The following DSCAM variants were observed in gnomAD, a reference collection of about 807,000 sequenced individuals.
DSCAM encodes the protein cell adhesion molecule DSCAM.
DSCAM carries 47 observed loss-of-function variants against 217.7 expected under a neutral mutation model. The observed-to-expected ratio is 0.22, with a 90% CI of 0.17 to 0.28. The LOEUF (loss-of-function observed/expected upper bound fraction) is 0.28, where lower values mean the gene tolerates loss of function less well. Among genes scored for constraint, DSCAM ranks in the 10% least tolerant of loss-of-function variants. The pLI, the probability that DSCAM is intolerant of heterozygous loss-of-function variation, is 1.00. For synonymous variants in DSCAM, 1,056 were observed against 1,015.3 expected (o/e 1.04, Z -0.76); for missense variants, 2,080 against 2,618.3 (o/e 0.79, Z 4.49).
intron 3 of DSCAM, among the ~76,000 whole-genome samples, chr21:40,616,189 G>C (rs2089391442): frequency 6.6e-6 from 1 of 152,206 alleles, no homozygotes; most frequent in Non-Finnish European, 1.5e-5. Flanking sequence ...GGAAGTTTTT[G>C]ACAACTGCAG....
intron 18 of DSCAM, 69 bp from the exon 19 acceptor site, chr21:40,134,078 C>A: frequency 6.5e-7 from 1 of 1,537,722 alleles, no homozygotes; most frequent in Non-Finnish European, 8.8e-7. Flanking sequence ...TCCGCACTGT[C>A]CCCACTGACT....
At chr21:40,825,442 C>T (rs141378130) in intron 1 of DSCAM, among the ~76,000 whole-genome samples, 2,443 of 152,134 alleles carry the variant, frequency 0.016, 37 homozygotes, top group Non-Finnish European at 0.025. Flanking sequence ...CTCAGCTTCC[C>T]GAGTAGCTGG....
At chr21:40,814,285 T>C (rs775903917) in intron 1 of DSCAM, among the ~76,000 whole-genome samples, 1 of 152,210 alleles carries the variant, frequency 6.6e-6, no homozygotes, top group African/African-American at 2.4e-5. Flanking sequence ...CCAGTTGCAC[T>C]TTTTGTAACT....
intron 3 of DSCAM, among the ~76,000 whole-genome samples, chr21:40,537,374 C>T (rs563373436): frequency 3.3e-5 from 5 of 152,276 alleles, no homozygotes; most frequent in African/African-American, 1.2e-4. Context: ...CACAAATGGA[C>T]AGCACTCTTG....
At chr21:40,151,393 G>C (rs758069330) in intron 16 of DSCAM, among the ~76,000 whole-genome samples, 5 of 151,574 alleles carry the variant, frequency 3.3e-5, no homozygotes, top group Non-Finnish European at 7.4e-5. Flanking sequence ...ACCTCCTCTA[G>C]TGGCCACCAT....
At chr21:40,646,878 G>A (rs973760258) in intron 3 of DSCAM, among the ~76,000 whole-genome samples, 1 of 152,180 alleles carries the variant, frequency 6.6e-6, no homozygotes, top group Non-Finnish European at 1.5e-5. Context: ...GCATCCACTT[G>A]CACACACAGC....
intron 1 of DSCAM, among the ~76,000 whole-genome samples, chr21:40,819,398 C>T (rs966057262): frequency 2.2e-4 from 33 of 151,972 alleles, no homozygotes; most frequent in African/African-American, 8.0e-4. Flanking sequence ...CGTCAAAACA[C>T]ATTATTGGAT....
chr21:40,440,994 C>A (rs374080468), intron 3 of DSCAM, among the ~76,000 whole-genome samples: 39 of 152,328 alleles, frequency 2.6e-4, no homozygotes, highest in African/African-American at 8.4e-4. Context: ...TGGATGCAGG[C>A]TATGGGACCT....
At chr21:40,149,129 C>T (rs1014729940) in intron 16 of DSCAM, among the ~76,000 whole-genome samples, 1 of 151,536 alleles carries the variant, frequency 6.6e-6, no homozygotes, top group African/African-American at 2.4e-5. Flanking sequence ...ATTACTATTC[C>T]AATATTAACA....
chr21:40,519,322 T>C (rs553162295), intron 3 of DSCAM, among the ~76,000 whole-genome samples: 3 of 152,286 alleles, frequency 2.0e-5, no homozygotes, highest in East Asian at 3.9e-4. Context: ...ATCCAGTCAA[T>C]TGAGAACCTT....
intron 1 of DSCAM, among the ~76,000 whole-genome samples, chr21:40,841,756 C>T (rs1000470618): frequency 6.6e-6 from 1 of 152,222 alleles, no homozygotes; most frequent in Non-Finnish European, 1.5e-5. Context: ...GCGCGCGCCA[C>T]GCCGGGGTTC....
At chr21:40,620,306 GAGAGAGAGAA>G (rs1445766635) in intron 3 of DSCAM, among the ~76,000 whole-genome samples, 2 of 96,358 alleles carry the variant, frequency 2.1e-5, no homozygotes, top group African/African-American at 8.3e-5. Context: ...GAAAAAGAAA[GAGAGAGAGAA>G]AGAGAGAGAA....
Position 40,205,685 on chromosome 21 carries a change from C to T in DSCAM, c.2357-16447G>A, listed in dbSNP as rs115116577. On this transcript the variant is annotated intron_variant, in intron 11 of 32. Coordinates refer to ENST00000400454, the MANE Select transcript of DSCAM (RefSeq NM_001389.5). ...CACAAGGTCCCAAGCTAAAGAGCCA[C>T]AAAAAATGATCTGTTGAAGTATTAA... Among the ~76,000 whole-genome samples the T allele has an allele frequency of 5.3e-3, 799 of 151,240 alleles. 12 individuals are homozygous for T. Among genetic ancestry groups the T allele is most frequent in the African/African-American group, 0.018 (759 of 41,116 alleles).
At chr21:40,367,305 TG>T (rs1668573833) in intron 4 of DSCAM, among the ~76,000 whole-genome samples, 1 of 152,162 alleles carries the variant, frequency 6.6e-6, no homozygotes, top group South Asian at 2.1e-4. Flanking sequence ...CTTCCACCTC[TG>T]CTGCTGGTCC....
chr21:40,491,563 G>C (rs890781425), intron 3 of DSCAM, among the ~76,000 whole-genome samples: 11 of 151,602 alleles, frequency 7.3e-5, no homozygotes, highest in Non-Finnish European at 1.6e-4. Flanking sequence ...TACCATTCAA[G>C]GGTATTCCAA....
intron 22 of DSCAM, among the ~76,000 whole-genome samples, chr21:40,086,835 T>G (rs1430501452): frequency 6.6e-6 from 1 of 152,220 alleles, no homozygotes; most frequent in African/African-American, 2.4e-5. Context: ...CACAATAGCC[T>G]TGGCTGCATT....
At chr21:40,215,760 C>T (rs546560931) in intron 11 of DSCAM, among the ~76,000 whole-genome samples, 58 of 151,994 alleles carry the variant, frequency 3.8e-4, no homozygotes, top group African/African-American at 1.3e-3. Context: ...GATTCATCCA[C>T]GTAACCAAAA....
At chr21:40,127,698 C>T (rs187458448) in intron 19 of DSCAM, among the ~76,000 whole-genome samples, 1 of 152,294 alleles carries the variant, frequency 6.6e-6, no homozygotes, top group East Asian at 1.9e-4. Flanking sequence ...ACCTGTGCTT[C>T]TCTTGCCCCA....
chr21:40,143,664 G>A lies in DSCAM; in HGVS notation c.3259+827C>T, dbSNP rs1321352863. 4.6e-5 allele frequency among the ~76,000 whole-genome samples: 7 copies of A among 152,286 alleles called. No homozygotes were observed. The East Asian group carries it at 7.7e-4, about 17-fold the overall frequency. ...AAATTAGCCAGGCGTGGTGGCGGGT[G>A]CCTGCAGTCCCAGCTACTCGGGAGG... is the stretch of plus-strand genomic sequence containing the variant. On this transcript the variant is annotated intron_variant, in intron 17 of 32. Transcript: ENST00000400454.
Sources: gnomAD v4.1 joint callset for allele counts (sites outside exome capture counted in the v4.1 genomes callset) on GRCh38, gnomAD v4.1.1 for gene constraint, MANE v1.5 for transcripts, NCBI Gene and HGNC (gene_info 2026-07-23, HGNC 2026-07-21) for gene names.